Variants in PCDHA11 observed in about 807,000 individuals in gnomAD.
The protein encoded by PCDHA11 is protocadherin alpha 11.
In PCDHA11, 61 loss-of-function variants were observed where a neutral mutation model predicts 70.3. That is an observed-to-expected ratio of 0.87 (90% CI 0.71 to 1.07). PCDHA11 has a LOEUF of 1.07. Ranked by LOEUF, PCDHA11 falls within the 50% of genes least tolerant of loss-of-function variation. The probability of loss-of-function intolerance (pLI) is 0.00; values close to 1 mark genes in which losing one functional copy is unlikely to be tolerated. For missense variants in PCDHA11, 1,324 were observed against 1,237.5 expected (o/e 1.07, Z -1.05); for synonymous variants, 633 against 555.1 (o/e 1.14, Z -1.97).
intron 1 of PCDHA11, among the ~76,000 whole-genome samples, chr5:140,874,488 A>G (rs1452122658): frequency 2.0e-5 from 3 of 152,254 alleles, no homozygotes; most frequent in African/African-American, 7.2e-5. Flanking sequence ...CAAAAGGTTG[A>G]TATCAAGTTC....
intron 1 of PCDHA11, among the ~76,000 whole-genome samples, chr5:140,973,059 A>G (rs2096570291): frequency 6.6e-6 from 1 of 152,062 alleles, no homozygotes; most frequent in African/African-American, 2.4e-5. Context: ...TTTGTCCAAC[A>G]GTGTCTCAGT....
At chr5:140,877,575 C>G (rs1244471489) in intron 1 of PCDHA11, 1 of 1,613,708 alleles carries the variant, frequency 6.2e-7, no homozygotes, top group East Asian at 2.2e-5. Context: ...TGTACCTCAT[C>G]ATCGCCATCT....
In PCDHA11 at chr5:140,870,825, C is replaced by G. The variant is rs1554164734; in HGVS notation, c.1722C>G (p.Gly574=). 1 of 1,613,726 alleles carries G rather than the reference C, an allele frequency of 6.2e-7. No individual in the cohort carries two copies. ...CGACTCAGGCTGGCAGCGCGGGAGG[C>G]GCAGTTAACAAGCTAGTACCGCGGT... The part of the protein sequence containing the change: ...LLATQAGSAG[G]AVNKLVPRSV... Residue 574 remains glycine (G), a synonymous_variant, in exon 1 of 4, where the codon GGC becomes GGG. Transcript: ENST00000398640.
At position 140,869,579 on chromosome 5, in the gene PCDHA11, A is replaced by G; in HGVS notation, c.476A>G (p.Asp159Gly). 1 of 1,614,178 alleles carries G rather than the reference A, an allele frequency of 6.2e-7. No homozygotes were observed. Among genetic ancestry groups the G allele is most frequent in the Non-Finnish European group, 8.5e-7 (1 of 1,180,040 alleles). Reference sequence around the variant, plus strand: ...CGTTTTCCACTAGAGGGAGCTTCTGATGCTGACATTGAAGAGAATGCTCTA... The same window carrying G: ...CGTTTTCCACTAGAGGGAGCTTCTGGTGCTGACATTGAAGAGAATGCTCTA... ...DSRFPLEGAS[D>G]ADIEENALLT... is the part of the protein sequence containing the mutation. Residue 159 changes from aspartate (D) to glycine (G), a missense_variant, in exon 1 of 4, where the codon GAT (aspartate) becomes GGT (glycine). By Grantham distance (94) the Asp-to-Gly change is moderately conservative. Coordinates refer to ENST00000398640, the MANE Select transcript of PCDHA11 (RefSeq NM_018902.5).
intron 1 of PCDHA11, among the ~76,000 whole-genome samples, chr5:140,872,410 T>A (rs2053645814): frequency 6.6e-6 from 1 of 152,110 alleles, no homozygotes; most frequent in South Asian, 2.1e-4. Flanking sequence ...GAGAATTGCT[T>A]GAGCCCAAGA....
intron 1 of PCDHA11, among the ~76,000 whole-genome samples, chr5:140,871,977 C>T (rs533366368): frequency 6.6e-6 from 1 of 152,288 alleles, no homozygotes; most frequent in East Asian, 1.9e-4. Flanking sequence ...CTATGATGTC[C>T]AGGTTGGACT....
At chr5:140,891,504 A>G (rs1225432214) in intron 1 of PCDHA11, among the ~76,000 whole-genome samples, 1 of 151,662 alleles carries the variant, frequency 6.6e-6, no homozygotes, top group Non-Finnish European at 1.5e-5. Context: ...CTCAGCTATA[A>G]TGTTCTCCAA....
At chr5:140,950,751 T>G (rs1051693960) in intron 1 of PCDHA11, among the ~76,000 whole-genome samples, 3 of 152,154 alleles carry the variant, frequency 2.0e-5, no homozygotes, top group African/African-American at 7.2e-5. Flanking sequence ...CTCTCTATCC[T>G]TTCTGGACTC....
At chr5:140,979,102 C>G in intron 2 of PCDHA11, 95 bp downstream of exon 2, 1 of 1,541,802 alleles carries the variant, frequency 6.5e-7, no homozygotes. Context: ...GCTGTCAAAA[C>G]TAAAAAGCTT....
chr5:140,895,257 T>A (rs1180344268), intron 1 of PCDHA11, among the ~76,000 whole-genome samples: 8 of 152,212 alleles, frequency 5.3e-5, no homozygotes, highest in Non-Finnish European at 8.8e-5. Context: ...AGCTTTCTTT[T>A]TTTTCTTACT....
chr5:140,895,515 G>A (rs2065042106), intron 1 of PCDHA11, among the ~76,000 whole-genome samples: 1 of 151,948 alleles, frequency 6.6e-6, no homozygotes, highest in Non-Finnish European at 1.5e-5. Flanking sequence ...ATTTTTAATT[G>A]GTTTATTCGT....
Position 140,998,902 on chromosome 5 carries a change from C to T in PCDHA11, c.2540-10725C>T, listed in dbSNP as rs148715237. On this transcript the variant is annotated intron_variant, in intron 3 of 3. Coordinates refer to ENST00000398640, the MANE Select transcript of PCDHA11 (RefSeq NM_018902.5). ...TTAGTTGAATAAATAACAATGCCTC[C>T]GGGAGGTAGCTATTATATCCATTTT... Among the ~76,000 whole-genome samples the T allele has an allele frequency of 4.2e-3, 632 of 152,216 alleles. 5 individuals are homozygous for T. Among genetic ancestry groups the T allele is most frequent in the African/African-American group, 0.014 (572 of 41,540 alleles).
At chr5:140,955,965 T>C (rs2095242955) in intron 1 of PCDHA11, among the ~76,000 whole-genome samples, 1 of 152,204 alleles carries the variant, frequency 6.6e-6, no homozygotes, top group Admixed American at 6.5e-5. Context: ...TGTTTGTGCA[T>C]AGGAATGCTA....
chr5:140,929,163 G>T lies in PCDHA11; in HGVS notation c.2392-49786G>T, dbSNP rs142058597. On this transcript the variant is annotated intron_variant, in intron 1 of 3. Coordinates refer to ENST00000398640, the MANE Select transcript of PCDHA11 (RefSeq NM_018902.5). ...GACTTTCTCAGACTTATCTCTATCG[G>T]GCCTCTCTGGGACTTGGTTCTGATA... 2.4e-4 allele frequency: 385 copies of T among 1,614,058 alleles called. 2 individuals carry two copies. In the African/African-American group the frequency reaches 4.5e-3, roughly 19 times the overall value.
intron 1 of PCDHA11, 159 bp downstream of exon 1, chr5:140,871,653 C>G (rs2053243834): frequency 3.2e-6 from 4 of 1,244,250 alleles, no homozygotes; most frequent in Non-Finnish European, 4.4e-6. Flanking sequence ...CCAAATGATA[C>G]ACATCTTCAG....
At chr5:140,877,522 G>T in intron 1 of PCDHA11, 1 of 1,613,798 alleles carries the variant, frequency 6.2e-7, no homozygotes, top group Non-Finnish European at 8.5e-7. Context: ...GCGGGCCTCA[G>T]TGGGCGCTGT....
chr5:140,908,329 A>T (rs539575503), intron 1 of PCDHA11, among the ~76,000 whole-genome samples: 140 of 152,214 alleles, frequency 9.2e-4, no homozygotes, highest in African/African-American at 2.7e-3. Flanking sequence ...AGACCATGGG[A>T]ATTTGAGCCA....
intron 1 of PCDHA11, chr5:140,968,943 T>G (rs1429261485): frequency 1.2e-6 from 2 of 1,614,128 alleles, no homozygotes; most frequent in Non-Finnish European, 1.7e-6. Context: ...ATCATCATTT[T>G]GAGCATCATC....
rs79307553 is a variant in PCDHA11, at chr5:140,974,500, T to G, written c.2392-4449T>G. ...ACCCAGAATTCTCAAATGTATTACC[T>G]TTGTGTTTTATTTTATTTTAGTTTT... is the stretch of plus-strand genomic sequence containing the variant. On this transcript the variant is annotated intron_variant, in intron 1 of 3. Transcript: ENST00000398640. 8.7e-3 allele frequency among the ~76,000 whole-genome samples: 1,326 copies of G among 152,308 alleles called. 23 individuals carry two copies. Among genetic ancestry groups the G allele is most frequent in the African/African-American group, 0.03 (1,239 of 41,564 alleles).
Sources: gnomAD v4.1 joint callset for allele counts (sites outside exome capture counted in the v4.1 genomes callset) on GRCh38, gnomAD v4.1.1 for gene constraint, MANE v1.5 for transcripts, NCBI Gene and HGNC (gene_info 2026-07-23, HGNC 2026-07-21) for gene names.